Variants in STX8 observed in about 807,000 individuals in gnomAD.
The protein encoded by STX8 is syntaxin-8.
Under a neutral mutation model 37.5 loss-of-function variants are expected in STX8, and 23 were observed. The observed-to-expected ratio is 0.61, with a 90% CI of 0.44 to 0.87. STX8 has a LOEUF of 0.87. Ranked by LOEUF, STX8 falls within the 40% of genes least tolerant of loss-of-function variation. STX8 has a pLI of 0.00. For synonymous variants in STX8, 115 were observed against 99.1 expected (o/e 1.16, Z -0.95); for missense variants, 313 against 284.7 (o/e 1.10, Z -0.71).
At chr17:9,470,724 T>C (rs1228739463) in intron 6 of STX8, among the ~76,000 whole-genome samples, 1 of 152,032 alleles carries the variant, frequency 6.6e-6, no homozygotes, top group Non-Finnish European at 1.5e-5. Flanking sequence ...GCCTAACTGC[T>C]TTTTTCTTTT....
At chr17:9,445,503 G>GTGGGGGGGGGGGTTGGGGGGA (rs1904808851) in intron 6 of STX8, among the ~76,000 whole-genome samples, 1 of 70,446 alleles carries the variant, frequency 1.4e-5, no homozygotes, top group African/African-American at 5.4e-5. Context: ...GGGGGGGATG[G>GTGGGGGGGGGGGTTGGGGGGA]TGGGGGAGGG....
chr17:9,483,253 G>A (rs892770518), intron 6 of STX8, among the ~76,000 whole-genome samples: 8 of 151,492 alleles, frequency 5.3e-5, no homozygotes, highest in Non-Finnish European at 1.2e-4. Flanking sequence ...TTCATTCCTT[G>A]TACCCTTGGC....
chr17:9,400,461 A>G (rs1417744160), intron 6 of STX8, among the ~76,000 whole-genome samples: 1 of 148,318 alleles, frequency 6.7e-6, no homozygotes, highest in African/African-American at 2.5e-5. Flanking sequence ...CTGGAGTGCA[A>G]TGGTGCAATC....
At chr17:9,452,717 C>A (rs1905080933) in intron 6 of STX8, among the ~76,000 whole-genome samples, 4 of 152,048 alleles carry the variant, frequency 2.6e-5, no homozygotes, top group African/African-American at 9.7e-5. Flanking sequence ...GTATAAACTT[C>A]TACACTGCCT....
chr17:9,339,423 G>A (rs1910257440), intron 7 of STX8, among the ~76,000 whole-genome samples: 1 of 152,172 alleles, frequency 6.6e-6, no homozygotes. Context: ...GGGAGGCCGA[G>A]GCAGGTGGAT....
intron 7 of STX8, among the ~76,000 whole-genome samples, chr17:9,279,493 A>C (rs1907803301): frequency 6.6e-6 from 1 of 152,196 alleles, no homozygotes; most frequent in Non-Finnish European, 1.5e-5. Flanking sequence ...AGCTTTGACT[A>C]AGTTTATCAT....
rs1904865740 is a variant in STX8 at position 9,507,082 on chromosome 17, G to T, written c.324-1920C>A. On this transcript the variant is annotated intron_variant, in intron 4 of 7. Transcript: ENST00000306357. The surrounding 1 kb of genome is among the most constrained non-coding windows in gnomAD (Gnocchi z 4.0). ...AACCCACTCTTGAGCCAACCAAACT[G>T]CTGCATACCCTCCTGCAAGCAGAAG... is the stretch of plus-strand genomic sequence containing the variant. 6.6e-6 allele frequency among the ~76,000 whole-genome samples: 1 copy of T among 151,896 alleles called. No homozygotes were observed. The highest frequency in any genetic ancestry group is 1.5e-5 in the Non-Finnish European group (1 of 67,990).
intron 4 of STX8, among the ~76,000 whole-genome samples, chr17:9,509,390 A>C (rs1272918877): frequency 6.6e-6 from 1 of 150,506 alleles, no homozygotes; most frequent in East Asian, 1.9e-4. Flanking sequence ...TTTATGTTCA[A>C]AGTACTAAAA....
At chr17:9,336,353 G>A (rs1173055935) in intron 7 of STX8, among the ~76,000 whole-genome samples, 1 of 151,816 alleles carries the variant, frequency 6.6e-6, no homozygotes, top group South Asian at 2.1e-4. Context: ...CAATACTTTA[G>A]ATTTCTTTCC....
intron 7 of STX8, among the ~76,000 whole-genome samples, chr17:9,323,550 G>A (rs1909646600): frequency 6.6e-6 from 1 of 152,120 alleles, no homozygotes. Context: ...CTTGCAGAAG[G>A]CAATCAGAAG....
intron 7 of STX8, among the ~76,000 whole-genome samples, chr17:9,343,470 C>T (rs1281371605): frequency 6.6e-6 from 1 of 152,200 alleles, no homozygotes; most frequent in African/African-American, 2.4e-5. Context: ...AGCCATATTC[C>T]TGCTTCTTAA....
At chr17:9,341,001 TATATATATAA>T (rs1910337961) in intron 7 of STX8, among the ~76,000 whole-genome samples, 1 of 145,246 alleles carries the variant, frequency 6.9e-6, no homozygotes, top group Admixed American at 6.9e-5. Flanking sequence ...AATTATAAAT[TATATATATAA>T]ATATATATTA....
Position 9,489,276 on chromosome 17 carries a change from TA to T in STX8, c.541+2552del, listed in dbSNP as rs1176577595. The stretch of plus-strand genomic sequence containing the variant: ...AGGAAGCTAATTTTAAAAATCAAAT[TA>T]AAAAAAATGAAAACAACAACAAAAA... On this transcript the variant is annotated intron_variant, in intron 6 of 7. Transcript: ENST00000306357. 5.3e-5 allele frequency among the ~76,000 whole-genome samples: 8 copies of T among 151,700 alleles called. 1 individual carries two copies. In the East Asian group the frequency reaches 9.7e-4, roughly 18 times the overall value.
chr17:9,559,760 A>ATAT lies in STX8; in HGVS notation c.118-2233_118-2232insATA. Among the ~76,000 whole-genome samples the ATAT allele has an allele frequency of 6.1e-4, 15 of 24,500 alleles. 1 individual carries two copies. Among genetic ancestry groups the ATAT allele is most frequent in the African/African-American group, 2.7e-3 (14 of 5,238 alleles). 16.1% of individuals were successfully genotyped at this position (24,500 alleles called of 152,430 possible). A position where few individuals can be genotyped will look rare whatever the true frequency, so the allele number is the denominator to read the frequency against. On this transcript the variant is annotated intron_variant, in intron 2 of 7. Coordinates refer to ENST00000306357, the MANE Select transcript of STX8 (RefSeq NM_004853.3). ...TATATATATATATATATATATATAT[A>ATAT]TTTTTTTTTTTTTTTTTTTTGAGAC...
chr17:9,283,467 G>C (rs1015528152), intron 7 of STX8, among the ~76,000 whole-genome samples: 1 of 152,194 alleles, frequency 6.6e-6, no homozygotes, highest in African/African-American at 2.4e-5. Context: ...CTGAACCTGG[G>C]AGGCAGAGGT....
chr17:9,421,341 G>A (rs1475832785), intron 6 of STX8, among the ~76,000 whole-genome samples: 18 of 149,116 alleles, frequency 1.2e-4, no homozygotes, highest in African/African-American at 3.5e-4. Context: ...GCAGTGAGGC[G>A]GGATGGAGCC....
chr17:9,276,666 C>T (rs1330256989), intron 7 of STX8, among the ~76,000 whole-genome samples: 5 of 150,536 alleles, frequency 3.3e-5, no homozygotes, highest in East Asian at 1.9e-4. Context: ...GATGGAGTCT[C>T]GCTCTGTTAC....
intron 6 of STX8, among the ~76,000 whole-genome samples, chr17:9,438,504 C>G (rs973621894): frequency 6.6e-6 from 1 of 152,096 alleles, no homozygotes; most frequent in Non-Finnish European, 1.5e-5. Context: ...GGAAACACGG[C>G]TTTAGACCAG....
intron 7 of STX8, among the ~76,000 whole-genome samples, chr17:9,274,492 C>T (rs925020965): frequency 1.6e-4 from 24 of 151,568 alleles, no homozygotes; most frequent in African/African-American, 3.6e-4. Context: ...CTGGCTAACA[C>T]GGTGAGACCC....
Sources: allele counts gnomAD v4.1 joint callset (sites outside exome capture counted in the v4.1 genomes callset), GRCh38; gene constraint gnomAD v4.1.1; non-coding constraint Gnocchi (gnomAD v3.1); transcripts MANE v1.5; gene names NCBI Gene and HGNC (gene_info 2026-07-23, HGNC 2026-07-21).